Variants in RPS6KA2 observed in about 807,000 individuals in gnomAD.
The protein encoded by RPS6KA2 is ribosomal protein S6 kinase alpha-2.
Under a neutral mutation model 91.8 loss-of-function variants are expected in RPS6KA2, and 42 were observed. The observed-to-expected ratio is 0.46, with a 90% CI of 0.36 to 0.59. The LOEUF is 0.59. RPS6KA2 is among the 20% of genes least tolerant of loss of function. RPS6KA2 has a pLI of 0.00. For missense variants in RPS6KA2, 798 were observed against 978.5 expected (o/e 0.82, Z 2.46); for synonymous variants, 414 against 393.6 (o/e 1.05, Z -0.61).
intron 2 of RPS6KA2, among the ~76,000 whole-genome samples, chr6:166,782,364 C>T (rs1778793581): frequency 6.6e-6 from 1 of 152,142 alleles, no homozygotes; most frequent in South Asian, 2.1e-4. Context: ...TGCAAAATTA[C>T]CCCTGGTTCA....
intron 2 of RPS6KA2, among the ~76,000 whole-genome samples, chr6:166,658,734 T>C (rs1192549542): frequency 6.6e-6 from 1 of 152,222 alleles, no homozygotes; most frequent in Non-Finnish European, 1.5e-5. Context: ...GTGTTGAAGT[T>C]GGCAATTCTG....
intron 2 of RPS6KA2, among the ~76,000 whole-genome samples, chr6:166,656,055 C>G (rs1436218093): frequency 1.3e-5 from 2 of 152,210 alleles, no homozygotes; most frequent in African/African-American, 2.4e-5. Context: ...GTGTGCACAG[C>G]ACACACCTCT....
chr6:166,704,201 T>C (rs1034977186), intron 2 of RPS6KA2, among the ~76,000 whole-genome samples: 1 of 152,222 alleles, frequency 6.6e-6, no homozygotes, highest in Non-Finnish European at 1.5e-5. Flanking sequence ...TAAGAGATTT[T>C]AAAATGAAAC....
intron 2 of RPS6KA2, among the ~76,000 whole-genome samples, chr6:166,835,697 C>G (rs1183613485): frequency 1.3e-5 from 2 of 152,198 alleles, no homozygotes; most frequent in East Asian, 1.9e-4. Flanking sequence ...AAAATAAATG[C>G]AGCTTGCTTT....
chr6:166,471,367 G>A (rs1013343956), intron 10 of RPS6KA2, among the ~76,000 whole-genome samples: 2 of 152,212 alleles, frequency 1.3e-5, no homozygotes, highest in African/African-American at 4.8e-5. Context: ...ATGTGGAGGA[G>A]GCTCGGGGGC....
intron 2 of RPS6KA2, among the ~76,000 whole-genome samples, chr6:166,814,849 AT>A (rs1374216112): frequency 6.6e-6 from 1 of 152,194 alleles, no homozygotes; most frequent in Non-Finnish European, 1.5e-5. Flanking sequence ...GCTCACATTG[AT>A]TCTACGTGAT....
intron 2 of RPS6KA2, among the ~76,000 whole-genome samples, chr6:166,638,813 A>G (rs1787330710): frequency 6.6e-6 from 1 of 152,142 alleles, no homozygotes; most frequent in Non-Finnish European, 1.5e-5. Context: ...TGAACCCTCT[A>G]CAGTGTACAG....
intron 2 of RPS6KA2, among the ~76,000 whole-genome samples, chr6:166,836,235 G>A (rs910411307): frequency 7.2e-5 from 11 of 151,980 alleles, no homozygotes; most frequent in Admixed American, 5.9e-4. Context: ...GTCTTTGCAC[G>A]GGTTTTAGTA....
At chr6:166,713,591 A>C (rs1318232268) in intron 2 of RPS6KA2, among the ~76,000 whole-genome samples, 2 of 152,246 alleles carry the variant, frequency 1.3e-5, no homozygotes, top group Non-Finnish European at 2.9e-5. Context: ...AAAATAAAGA[A>C]TAGAAATATC....
intron 2 of RPS6KA2, among the ~76,000 whole-genome samples, chr6:166,773,239 G>A (rs886200202): frequency 2.0e-5 from 3 of 152,182 alleles, no homozygotes. Flanking sequence ...TGGAGAAGGA[G>A]GCAGGGAAGG....
intron 2 of RPS6KA2, among the ~76,000 whole-genome samples, chr6:166,761,868 G>A (rs576670996): frequency 2.0e-4 from 30 of 152,298 alleles, no homozygotes; most frequent in Admixed American, 3.9e-4. Flanking sequence ...TTGAGGCAGC[G>A]TTGAAGGCGC....
chr6:166,725,769 G>A (rs538864556), intron 2 of RPS6KA2, among the ~76,000 whole-genome samples: 3 of 152,236 alleles, frequency 2.0e-5, no homozygotes, highest in Admixed American at 6.5e-5. Flanking sequence ...CAGCGTGGAC[G>A]TTCCCGACCT....
chr6:166,835,594 C>T (rs928868146), intron 2 of RPS6KA2, among the ~76,000 whole-genome samples: 1 of 152,188 alleles, frequency 6.6e-6, no homozygotes, highest in Admixed American at 6.5e-5. Flanking sequence ...GGCATATTTA[C>T]CTTACGTCCT....
chr6:166,491,999 C>T (rs535964702), intron 8 of RPS6KA2, among the ~76,000 whole-genome samples: 44 of 152,088 alleles, frequency 2.9e-4, no homozygotes, highest in Non-Finnish European at 5.6e-4. Flanking sequence ...AGGACATTTC[C>T]AATTTTCTGC....
chr6:166,697,585 T>A (rs140491395), intron 2 of RPS6KA2, among the ~76,000 whole-genome samples: 9,904 of 152,230 alleles, frequency 0.065, 410 homozygotes, highest in Non-Finnish European at 0.094. Flanking sequence ...AACCACACCC[T>A]AAAAGATGGT....
intron 2 of RPS6KA2, among the ~76,000 whole-genome samples, chr6:166,675,049 C>T (rs1235331632): frequency 6.6e-6 from 1 of 152,178 alleles, no homozygotes; most frequent in East Asian, 1.9e-4. Flanking sequence ...CTGCAGTGCA[C>T]CAAACGAATC....
chr6:166,757,502 C>T (rs1004931212), intron 2 of RPS6KA2: 4 of 456,002 alleles, frequency 8.8e-6, no homozygotes, highest in Middle Eastern at 3.2e-4. Flanking sequence ...CCTGGGACCC[C>T]CATTTCCTGC....
At chr6:166,748,509 C>T (rs904358513) in intron 2 of RPS6KA2, among the ~76,000 whole-genome samples, 4 of 151,622 alleles carry the variant, frequency 2.6e-5, no homozygotes, top group Admixed American at 1.3e-4. Flanking sequence ...GGCAGATCAG[C>T]CTCCATGGGG....
chr6:166,786,461 C>T (rs1238049970), intron 2 of RPS6KA2, among the ~76,000 whole-genome samples: 1 of 149,622 alleles, frequency 6.7e-6, no homozygotes. Flanking sequence ...GAAAAGGTAA[C>T]AAAATAATTC....
Sources: allele counts gnomAD v4.1 joint callset (sites outside exome capture counted in the v4.1 genomes callset), GRCh38; gene constraint gnomAD v4.1.1; transcripts MANE v1.5; gene names NCBI Gene and HGNC (gene_info 2026-07-23, HGNC 2026-07-21).